WASHC2C: variants seen among roughly 807,000 people sequenced by gnomAD.
The protein encoded by WASHC2C is Vaccinia Penetration Factor.
WASHC2C carries 73 observed loss-of-function variants against 142.2 expected under a neutral mutation model. The observed-to-expected ratio is 0.51, with a 90% CI of 0.43 to 0.62. WASHC2C has a LOEUF of 0.62. WASHC2C is among the 20% of genes least tolerant of loss of function. The pLI is 0.00. For synonymous variants in WASHC2C, 337 were observed against 565.5 expected (o/e 0.60, Z 5.73); for missense variants, 969 against 1,531.7 (o/e 0.63, Z 6.13).
chr10:45,779,893 G>C (rs543375226), intron 23 of WASHC2C, among the ~76,000 whole-genome samples: 2 of 152,192 alleles, frequency 1.3e-5, no homozygotes, highest in African/African-American at 4.8e-5. Flanking sequence ...GCTGAGGCAG[G>C]AGAATTGCTT....
Position 45,728,863 on chromosome 10 carries a change from T to G in WASHC2C, c.128T>G (p.Leu43Arg). ...QSWSLAADAG[L>R]LQFLQEFSQQ... The stretch of plus-strand genomic sequence containing the variant: ...CTGTATGTTTATTTTTTAAAATAGC[T>G]ACTACAGTTTCTACAGGAATTCTCA... The change falls in exon 3 of 31, where the codon CTA becomes CGA. Residue 43 changes from leucine to arginine, a missense_variant and splice_region_variant. Leu to Arg is a moderately radical substitution (Grantham distance 102). Coordinates refer to ENST00000623400, the MANE Select transcript of WASHC2C (RefSeq NM_001330074.2). The G allele has an allele frequency of 6.8e-6, 11 of 1,613,216 alleles. No individual in the cohort carries two copies. Among genetic ancestry groups the G allele is most frequent in the Non-Finnish European group, 9.3e-6 (11 of 1,179,640 alleles).
At chr10:45,729,048 T>C in intron 3 of WASHC2C, 22 bp downstream of exon 3, 1 of 1,597,184 alleles carries the variant, frequency 6.3e-7, no homozygotes, top group Non-Finnish European at 8.5e-7. Flanking sequence ...AGTTATATTA[T>C]AATTCCTTTT....
chr10:45,791,106 T>G (rs2058368632), intron 30 of WASHC2C, among the ~76,000 whole-genome samples: 2 of 114,122 alleles, frequency 1.8e-5, no homozygotes, highest in African/African-American at 3.3e-5. Flanking sequence ...ACCCTAAATA[T>G]TGGACTTTTG....
rs191100487 is a variant in WASHC2C, at chr10:45,783,334, A to G, written c.2479-1231A>G. On this transcript the variant is annotated intron_variant, in intron 23 of 30. Transcript: ENST00000623400. ...GTGTATGGTTTTGTAATATTTTTCC[A>G]CAGTTGTGAAATATTTAACATTACT... Among the ~76,000 whole-genome samples, 17 of 152,248 alleles carry G rather than the reference A, an allele frequency of 1.1e-4. No individual in the cohort carries two copies. In the East Asian group the frequency reaches 2.9e-3, roughly 26 times the overall value.
intron 25 of WASHC2C, among the ~76,000 whole-genome samples, 184 bp from the exon 26 acceptor site, chr10:45,785,325 G>A (rs2057952947): frequency 6.6e-6 from 1 of 152,050 alleles, no homozygotes; most frequent in Admixed American, 6.6e-5. Flanking sequence ...ATCATAGAGA[G>A]GACTCCTGTG....
At chr10:45,792,164 T>A in intron 30 of WASHC2C, 97 bp from the exon 31 acceptor site, 1 of 1,326,378 alleles carries the variant, frequency 7.5e-7, no homozygotes, top group Non-Finnish European at 1.1e-6. Flanking sequence ...TCCATGCTGT[T>A]ACGAGAGCTG....
intron 20 of WASHC2C, among the ~76,000 whole-genome samples, chr10:45,771,072 A>T (rs2056535427): frequency 6.6e-6 from 1 of 151,374 alleles, no homozygotes; most frequent in Non-Finnish European, 1.5e-5. Context: ...TAAGTTTCTT[A>T]AGAAGCCTTC....
chr10:45,743,969 G>A (rs2052475470), intron 6 of WASHC2C, among the ~76,000 whole-genome samples: 1 of 151,426 alleles, frequency 6.6e-6, no homozygotes, highest in South Asian at 2.1e-4. Context: ...GGCTGGTCTC[G>A]AATTCCTGAC....
Position 45,792,689 on chromosome 10 carries a change from T to A in WASHC2C, c.*289T>A. ...GCTTCAGGGTGTGTAAAAGAAGAAA[T>A]CTCTTTGTGGCTTTCATGGGCAGGG... On this transcript the variant is annotated 3_prime_UTR_variant, in exon 31 of 31. Transcript: ENST00000623400. The A allele has an allele frequency of 1.9e-6, 1 of 522,188 alleles. No homozygotes were observed. The highest frequency in any genetic ancestry group is 3.6e-6 in the Non-Finnish European group (1 of 279,438). The allele number at this position is 522,188 out of a possible 1,614,324, so 32.3% of individuals were successfully genotyped here.
At position 45,789,118 on chromosome 10, in the gene WASHC2C, A is replaced by G; in HGVS notation, c.3335A>G (p.Asp1112Gly). ...PWEGGPVPGVDTSPFAKSLGH... is the reference protein window; with the variant it reads ...PWEGGPVPGVGTSPFAKSLGH... ...GAAGGTGGTCCTGTGCCTGGAGTGGACACAAGCCCCTTTGCAAAGTCTCTG... is the reference window on the plus strand; with the variant it reads ...GAAGGTGGTCCTGTGCCTGGAGTGGGCACAAGCCCCTTTGCAAAGTCTCTG... Residue 1112 changes from aspartate (D) to glycine (G), a missense_variant, in exon 29 of 31, where the codon GAC becomes GGC. By Grantham distance (94) the Asp-to-Gly change is moderately conservative. Transcript: ENST00000623400. 1.9e-6 allele frequency: 3 copies of G among 1,612,072 alleles called. No individual in the cohort carries two copies. The South Asian group carries it at 3.3e-5, about 18-fold the overall frequency.
intron 19 of WASHC2C, among the ~76,000 whole-genome samples, chr10:45,767,528 A>G (rs1200149852): frequency 2.0e-5 from 3 of 152,304 alleles, no homozygotes; most frequent in Non-Finnish European, 4.4e-5. Flanking sequence ...CAACAGCCAG[A>G]CATCAGTGTA....
intron 8 of WASHC2C, among the ~76,000 whole-genome samples, chr10:45,747,377 C>T (rs1182884266): frequency 2.6e-5 from 4 of 152,128 alleles, no homozygotes; most frequent in Non-Finnish European, 5.9e-5. Context: ...CTCCTGACCT[C>T]AGGTAATCCA....
rs1160336121 is a variant in WASHC2C, at chr10:45,752,432, G to A, written c.1004-156G>A. Among the ~76,000 whole-genome samples, 6 of 152,374 alleles carry A rather than the reference G, an allele frequency of 3.9e-5. No homozygotes were observed. In the East Asian group the frequency reaches 1.2e-3, roughly 29 times the overall value. On this transcript the variant is annotated intron_variant, in intron 11 of 30. Transcript: ENST00000623400. Reference sequence around the variant, plus strand: ...AGGGTGTCAGTGGACTGTGCCAGGGGTTTAGTGTGAAATTCATCAGACTGC... The same window carrying A: ...AGGGTGTCAGTGGACTGTGCCAGGGATTTAGTGTGAAATTCATCAGACTGC...
At chr10:45,758,763 A>C (rs868945036) in intron 16 of WASHC2C, among the ~76,000 whole-genome samples, 3,876 of 150,556 alleles carry the variant, frequency 0.026, 95 homozygotes, top group African/African-American at 0.089. Context: ...GTGCGCCACC[A>C]TGCCCGGCTA....
chr10:45,786,897 A>C (rs2058084335), intron 27 of WASHC2C, 138 bp from the exon 28 acceptor site: 1 of 1,598,680 alleles, frequency 6.3e-7, no homozygotes, highest in Admixed American at 1.7e-5. Context: ...TTCTGAGACT[A>C]GATTGGGCGA....
At chr10:45,776,176 T>C (rs1477418599) in intron 21 of WASHC2C, among the ~76,000 whole-genome samples, 2 of 152,070 alleles carry the variant, frequency 1.3e-5, no homozygotes, top group Non-Finnish European at 2.9e-5. Flanking sequence ...CTTTCTTCAT[T>C]CATCACATTT....
At chr10:45,773,873 T>G (rs2056841627) in intron 21 of WASHC2C, among the ~76,000 whole-genome samples, 1 of 73,722 alleles carries the variant, frequency 1.4e-5, no homozygotes, top group Non-Finnish European at 2.6e-5. Flanking sequence ...CTTATTGGGA[T>G]GAAAAACATA....
chr10:45,769,585 A>G lies in WASHC2C; in HGVS notation c.2006A>G (p.Lys669Arg). 2 of 1,611,968 alleles carry G rather than the reference A, an allele frequency of 1.2e-6. No homozygotes were observed. Among genetic ancestry groups the G allele is most frequent in the Non-Finnish European group, 1.7e-6 (2 of 1,179,858 alleles). ...VKKTSLFEED[K>R]EDDLFAIAKD... Reference sequence around the variant, plus strand: ...AAGACCAGTCTCTTTGAGGAAGACAAAGAAGATGATCTTTTTGCCATTGCC... The same window carrying G: ...AAGACCAGTCTCTTTGAGGAAGACAGAGAAGATGATCTTTTTGCCATTGCC... The change falls in exon 20 of 31, where the codon AAA (lysine) becomes AGA (arginine). Residue 669 changes from lysine (K) to arginine (R), a missense_variant. By Grantham distance (26) the Lys-to-Arg change is conservative. Coordinates refer to ENST00000623400, the MANE Select transcript of WASHC2C (RefSeq NM_001330074.2).
At chr10:45,742,080 G>A (rs1487828788) in intron 5 of WASHC2C, among the ~76,000 whole-genome samples, 3 of 151,378 alleles carry the variant, frequency 2.0e-5, no homozygotes, top group Non-Finnish European at 2.9e-5. Flanking sequence ...ACAGGTGGGA[G>A]CTACTGCAAC....
Sources: allele counts gnomAD v4.1 joint callset (sites outside exome capture counted in the v4.1 genomes callset), GRCh38; gene constraint gnomAD v4.1.1; transcripts MANE v1.5; gene names NCBI Gene and HGNC (gene_info 2026-07-23, HGNC 2026-07-21).